Variants in THSD4 observed in about 807,000 individuals in gnomAD.
THSD4 encodes thrombospondin type 1 domain containing 4.
Under a neutral mutation model 119.0 loss-of-function variants are expected in THSD4, and 69 were observed. The observed-to-expected ratio is 0.58, with a 90% CI of 0.48 to 0.71. The LOEUF (loss-of-function observed/expected upper bound fraction) is 0.71. Among genes scored for constraint, THSD4 ranks in the 30% least tolerant of loss-of-function variants. The probability of loss-of-function intolerance (pLI) is 0.00; values close to 1 mark genes in which losing one functional copy is unlikely to be tolerated. For synonymous variants in THSD4, 524 were observed against 540.4 expected (o/e 0.97, Z 0.42); for missense variants, 1,393 against 1,391.1 (o/e 1.00, Z -0.02).
rs112671754 is a variant in THSD4 at position 71,214,943 on chromosome 15, T to C, written c.100-92T>C. The C allele has an allele frequency of 6.5e-4, 783 of 1,209,072 alleles. 3 individuals are homozygous for C. In the African/African-American group the frequency reaches 7.6e-3, roughly 12 times the overall value. The allele number at this position is 1,209,072 out of a possible 1,614,324, so 74.9% of individuals were successfully genotyped here. On this transcript the variant is annotated intron_variant, in intron 3 of 17. Coordinates refer to ENST00000261862, the MANE Select transcript of THSD4 (RefSeq NM_024817.3). The stretch of plus-strand genomic sequence containing the variant: ...ATCTTTGAAACAGACTGTGCCTACT[T>C]GTGCCTGATGGATAAGTCGACCCTG...
chr15:71,566,911 T>TC (rs1329022841), intron 7 of THSD4, among the ~76,000 whole-genome samples: 5 of 151,764 alleles, frequency 3.3e-5, no homozygotes, highest in Non-Finnish European at 5.9e-5. Context: ...ATTTTTTTTT[T>TC]TCCCTAAACA....
In THSD4 at chr15:71,452,677, G is replaced by A. The variant is rs569948994; in HGVS notation, c.1152+40854G>A. On this transcript the variant is annotated intron_variant, in intron 7 of 17. Transcript: ENST00000261862. ...GTCGCTCAGGCTGGAGTGCAGTAGCGCGATCTCTGCTCACTACAGCCTCCA... is the reference window on the plus strand; with the variant it reads ...GTCGCTCAGGCTGGAGTGCAGTAGCACGATCTCTGCTCACTACAGCCTCCA... Among the ~76,000 whole-genome samples the A allele has an allele frequency of 1.1e-3, 160 of 152,160 alleles. 4 individuals carry two copies. In the South Asian group the frequency reaches 0.029, roughly 28 times the overall value.
intron 7 of THSD4, among the ~76,000 whole-genome samples, chr15:71,587,124 C>T (rs933576806): frequency 1.7e-4 from 25 of 147,640 alleles, no homozygotes; most frequent in Admixed American, 4.8e-4. Flanking sequence ...CAGGAAACAA[C>T]AGGTGCTGGA....
chr15:71,209,831 T>C (rs564563420), intron 3 of THSD4, among the ~76,000 whole-genome samples: 3 of 152,152 alleles, frequency 2.0e-5, no homozygotes, highest in African/African-American at 7.2e-5. Context: ...TCCTGTGCTA[T>C]TCTTATGATA....
At chr15:71,740,376 A>G (rs2053211500) in intron 11 of THSD4, among the ~76,000 whole-genome samples, 1 of 152,242 alleles carries the variant, frequency 6.6e-6, no homozygotes, top group Non-Finnish European at 1.5e-5. Flanking sequence ...ACCTTTAGGT[A>G]ATGTGTGATG....
intron 7 of THSD4, 105 bp from the exon 8 acceptor site, chr15:71,660,425 G>A (rs907790426): frequency 2.2e-5 from 31 of 1,399,994 alleles, no homozygotes; most frequent in Middle Eastern, 2.3e-4. Context: ...TATACATTTC[G>A]TAAATAGCTA....
chr15:71,232,846 T>C (rs2044072278), intron 4 of THSD4, among the ~76,000 whole-genome samples: 1 of 152,154 alleles, frequency 6.6e-6, no homozygotes. Flanking sequence ...TAGAGAGTAA[T>C]GACCAGGGCT....
At chr15:71,264,073 C>T (rs951512076) in intron 6 of THSD4, among the ~76,000 whole-genome samples, 18 of 152,206 alleles carry the variant, frequency 1.2e-4, no homozygotes, top group African/African-American at 4.1e-4. Flanking sequence ...GCAGTCTGCC[C>T]CAACACAGAC....
intron 14 of THSD4, among the ~76,000 whole-genome samples, chr15:71,753,690 C>T (rs1029631456): frequency 6.6e-6 from 1 of 152,208 alleles, no homozygotes; most frequent in Non-Finnish European, 1.5e-5. Flanking sequence ...TGGTTTGGAG[C>T]CTCACCTGGA....
At chr15:71,728,453 C>T in intron 8 of THSD4, 96 bp from the exon 9 acceptor site, 1 of 1,458,438 alleles carries the variant, frequency 6.9e-7, no homozygotes, top group South Asian at 1.3e-5. Flanking sequence ...TGTCAAAAAC[C>T]TTGATGAATG....
chr15:71,173,101 G>T (rs2043398635), intron 3 of THSD4, among the ~76,000 whole-genome samples: 1 of 152,028 alleles, frequency 6.6e-6, no homozygotes, highest in African/African-American at 2.4e-5. Context: ...CTTCACAGAT[G>T]ATATGATCTT....
intron 6 of THSD4, among the ~76,000 whole-genome samples, chr15:71,289,075 G>C (rs772027560): frequency 6.6e-6 from 1 of 152,188 alleles, no homozygotes; most frequent in Non-Finnish European, 1.5e-5. Context: ...CATCTTTCCT[G>C]TGCTGCCTCA....
chr15:71,471,784 C>T (rs1313163652), intron 7 of THSD4, among the ~76,000 whole-genome samples: 1 of 151,944 alleles, frequency 6.6e-6, no homozygotes, highest in East Asian at 1.9e-4. Context: ...TAAGATCATC[C>T]ATAGTGCTCA....
intron 6 of THSD4, among the ~76,000 whole-genome samples, chr15:71,406,474 T>C (rs539820841): frequency 3.3e-5 from 5 of 152,362 alleles, no homozygotes; most frequent in South Asian, 2.1e-4. Context: ...TATTTCCTTA[T>C]TGATCTGCTG....
intron 7 of THSD4, among the ~76,000 whole-genome samples, chr15:71,422,079 G>A (rs759596980): frequency 1.3e-5 from 2 of 152,170 alleles, no homozygotes; most frequent in African/African-American, 2.4e-5. Flanking sequence ...ATTCTGCTGA[G>A]TTTCCTCAAG....
intron 7 of THSD4, among the ~76,000 whole-genome samples, chr15:71,434,281 G>A (rs934608784): frequency 2.0e-5 from 3 of 151,972 alleles, no homozygotes; most frequent in Non-Finnish European, 2.9e-5. Context: ...TGTAAACATA[G>A]CATGTAACAC....
chr15:71,598,383 A>G (rs932357531), intron 7 of THSD4, among the ~76,000 whole-genome samples: 3 of 152,166 alleles, frequency 2.0e-5, no homozygotes, highest in Non-Finnish European at 4.4e-5. Flanking sequence ...CCTTTTGACT[A>G]TAGGCATTGA....
At chr15:71,688,104 T>C (rs2141044413) in intron 8 of THSD4, among the ~76,000 whole-genome samples, 1 of 152,330 alleles carries the variant, frequency 6.6e-6, no homozygotes, top group South Asian at 2.1e-4. Context: ...CAAATCTGTA[T>C]TTTCCCGTCT....
intron 7 of THSD4, among the ~76,000 whole-genome samples, chr15:71,450,449 C>T (rs117347860): frequency 6.6e-6 from 1 of 152,178 alleles, no homozygotes; most frequent in Non-Finnish European, 1.5e-5. Context: ...GGTTTGGGCT[C>T]AGAAGATTCA....
Sources: allele counts gnomAD v4.1 joint callset (sites outside exome capture counted in the v4.1 genomes callset), GRCh38; gene constraint gnomAD v4.1.1; transcripts MANE v1.5; gene names NCBI Gene and HGNC (gene_info 2026-07-23, HGNC 2026-07-21).